Variants in ZDHHC15 observed in about 807,000 individuals in gnomAD.
The protein encoded by ZDHHC15 is zDHHC palmitoyltransferase 15.
Under a neutral mutation model 31.7 loss-of-function variants are expected in ZDHHC15, and 19 were observed. The observed-to-expected ratio is 0.60, with a 90% CI of 0.42 to 0.88. The LOEUF is 0.88. ZDHHC15 is among the 40% of genes least tolerant of loss of function. The probability of loss-of-function intolerance (pLI) is 0.00; values close to 1 mark genes in which losing one functional copy is unlikely to be tolerated. For synonymous variants in ZDHHC15, 103 were observed against 90.0 expected (o/e 1.14, Z -0.82); for missense variants, 209 against 251.2 (o/e 0.83, Z 1.14).
chrX:75,374,727 ACTC>A (rs3076277), intron 11 of ZDHHC15, among the ~76,000 whole-genome samples: 21,075 of 107,688 alleles, frequency 0.2, 2,173 homozygotes, highest in East Asian at 0.85. Flanking sequence ...GTGGAATACT[ACTC>A]ATCAATAAAA....
Position 75,430,925 on chromosome X carries a change from T to G in ZDHHC15, c.449+526A>C, listed in dbSNP as rs147543598. On this transcript the variant is annotated intron_variant, in intron 5 of 11. Transcript: ENST00000373367. ...GACCTACTTGACCATTAATCCTAAA[T>G]ACTGTCAAGGTTATCAAAAACAAGT... Among the ~76,000 whole-genome samples the G allele has an allele frequency of 3.3e-3, 371 of 111,274 alleles. 2 individuals are homozygous for G. The highest frequency in any genetic ancestry group is 0.012 in the African/African-American group (363 of 30,654).
intron 4 of ZDHHC15, among the ~76,000 whole-genome samples, chrX:75,442,586 T>C (rs948116250): frequency 1.8e-5 from 2 of 111,782 alleles, no homozygotes; most frequent in African/African-American, 6.5e-5. Flanking sequence ...GGAATCCAAC[T>C]TACAAGGGAT....
At chrX:75,417,244 A>G (rs2083559011) in intron 9 of ZDHHC15, 54 bp from the exon 10 acceptor site, 2 of 901,776 alleles carry the variant, frequency 2.2e-6, no homozygotes, top group South Asian at 4.5e-5. Context: ...ACTTTTGTGA[A>G]GGTTATAATC....
At chrX:75,478,033 C>T (rs1196985497) in intron 3 of ZDHHC15, among the ~76,000 whole-genome samples, 2 of 111,320 alleles carry the variant, frequency 1.8e-5, no homozygotes, top group Non-Finnish European at 1.9e-5. Flanking sequence ...TGTTCGGAGG[C>T]TGGAAAGTTT....
At chrX:75,424,827 C>T (rs373690731) in intron 7 of ZDHHC15, 43 bp from the exon 8 acceptor site, 15 of 1,135,407 alleles carry the variant, frequency 1.3e-5, no homozygotes, top group South Asian at 4.5e-5. Flanking sequence ...AAAGTGGAAA[C>T]GGATGGCTAG....
chrX:75,502,118 C>T (rs1261701406), intron 2 of ZDHHC15: 1 of 111,924 alleles, frequency 8.9e-6, no homozygotes, highest in Non-Finnish European at 1.9e-5. Flanking sequence ...TTTATTGTCT[C>T]ACAATTCTGG....
chrX:75,424,511 A>G (rs959775395), intron 8 of ZDHHC15, 141 bp downstream of exon 8: 1 of 614,653 alleles, frequency 1.6e-6, no homozygotes, highest in Non-Finnish European at 2.3e-6. Flanking sequence ...GGTAAAATGT[A>G]TTTTCATCTG....
At chrX:75,373,068 C>T (rs1482546587) in intron 11 of ZDHHC15, 123 bp from the exon 12 acceptor site, 1 of 110,760 alleles carries the variant, frequency 9.0e-6, no homozygotes, top group African/African-American at 3.3e-5. Flanking sequence ...TAGATCAGCA[C>T]TGAAAAATGT....
At chrX:75,456,519 G>T in intron 3 of ZDHHC15, among the ~76,000 whole-genome samples, 1 of 110,810 alleles carries the variant, frequency 9.0e-6, no homozygotes, top group Non-Finnish European at 1.9e-5. Context: ...AAACAAAAAA[G>T]AATGGCAATA....
chrX:75,469,464 C>T (rs1392096129), intron 3 of ZDHHC15, among the ~76,000 whole-genome samples: 1 of 111,731 alleles, frequency 9.0e-6, no homozygotes, highest in Non-Finnish European at 1.9e-5. Flanking sequence ...ACTTTAGGTA[C>T]CTCATATAAG....
chrX:75,410,037 C>T (rs184515060), intron 10 of ZDHHC15, among the ~76,000 whole-genome samples: 19 of 110,857 alleles, frequency 1.7e-4, no homozygotes, highest in African/African-American at 5.6e-4. Context: ...CAACCATATA[C>T]AGAAGAATGA....
Position 75,377,772 on chromosome X carries a change from CT to C in ZDHHC15, c.*32+1347del, listed in dbSNP as rs778070434. 1.8e-3 allele frequency among the ~76,000 whole-genome samples: 199 copies of C among 111,325 alleles called. 2 individuals carry two copies. Among genetic ancestry groups the C allele is most frequent in the Non-Finnish European group, 1.7e-3 (90 of 53,005 alleles). On this transcript the variant is annotated intron_variant, in intron 11 of 11. Transcript: ENST00000373367. ...AAATTTAAGGGACCACTACAACCTC[CT>C]TTTGGTGAGCCACAAAACTCAATAG...
intron 2 of ZDHHC15, among the ~76,000 whole-genome samples, chrX:75,490,675 G>A (rs1023236203): frequency 2.8e-4 from 31 of 111,033 alleles, no homozygotes; most frequent in Admixed American, 6.7e-4. Context: ...ATTGAGCAGT[G>A]GTTTGTAGTT....
At chrX:75,436,970 C>A (rs183654039) in intron 4 of ZDHHC15, among the ~76,000 whole-genome samples, 1 of 111,934 alleles carries the variant, frequency 8.9e-6, no homozygotes, top group African/African-American at 3.3e-5. Flanking sequence ...CAAGCTCTGC[C>A]TCCTGGGTTC....
rs751453032 is a variant in ZDHHC15, at chrX:75,522,962, G to A, written c.63C>T (p.Ser21=). 2 of 1,210,181 alleles carry A rather than the reference G, an allele frequency of 1.7e-6. No individual in the cohort carries two copies. Among genetic ancestry groups the A allele is most frequent in the Admixed American group, 2.2e-5 (1 of 45,875 alleles). The change falls in exon 1 of 12, where the codon TCC becomes TCT. Residue 21 remains serine (S), a synonymous_variant. Coordinates refer to ENST00000373367, the MANE Select transcript of ZDHHC15 (RefSeq NM_144969.3). The part of the protein sequence containing the change: ...GGLRCCRRVL[S]WVPVLVIVLV... Reference sequence around the variant, plus strand: ...GGACAATAACGAGCACTGGCACCCAGGACAGTACCCGGCGGCAGCACCGCA... The same window carrying A: ...GGACAATAACGAGCACTGGCACCCAAGACAGTACCCGGCGGCAGCACCGCA...
chrX:75,507,205 C>T (rs55725827), intron 1 of ZDHHC15, among the ~76,000 whole-genome samples: 1,247 of 111,409 alleles, frequency 0.011, 21 homozygotes, highest in African/African-American at 0.039. Flanking sequence ...ACGATAATGA[C>T]GATGACAATG....
intron 10 of ZDHHC15, among the ~76,000 whole-genome samples, chrX:75,398,178 C>A (rs1471675180): frequency 8.9e-6 from 1 of 112,324 alleles, no homozygotes; most frequent in Non-Finnish European, 1.9e-5. Context: ...AGCAGCATTG[C>A]ACTTCCCTAA....
At chrX:75,502,777 T>C (rs758679900) in intron 2 of ZDHHC15, among the ~76,000 whole-genome samples, 29 of 111,248 alleles carry the variant, frequency 2.6e-4, no homozygotes, top group Non-Finnish European at 4.5e-4. Context: ...TTCCCAGTCA[T>C]GATCTTCAAA....
At chrX:75,488,428 T>A (rs193061583) in intron 2 of ZDHHC15, among the ~76,000 whole-genome samples, 2 of 111,979 alleles carry the variant, frequency 1.8e-5, no homozygotes, top group South Asian at 7.4e-4. Flanking sequence ...CTAAGCTTCA[T>A]AAATGAAGGA....
Sources: gnomAD v4.1 joint callset for allele counts (sites outside exome capture counted in the v4.1 genomes callset) on GRCh38, gnomAD v4.1.1 for gene constraint, MANE v1.5 for transcripts, NCBI Gene and HGNC (gene_info 2026-07-23, HGNC 2026-07-21) for gene names.